PDGFRB: variants seen among roughly 807,000 people sequenced by gnomAD.
PDGFRB encodes platelet-derived growth factor receptor beta.
A neutral mutation model predicts 120.2 loss-of-function variants in PDGFRB; 42 were observed. The observed-to-expected ratio is 0.35, with a 90% CI of 0.27 to 0.45. The LOEUF (loss-of-function observed/expected upper bound fraction) is 0.45. Ranked by LOEUF, PDGFRB falls within the 20% of genes least tolerant of loss-of-function variation. PDGFRB has a pLI of 1.00. For missense variants in PDGFRB, 1,149 were observed against 1,476.3 expected, an observed-to-expected ratio of 0.78 and a Z score of 3.63; for synonymous variants, 586 against 606.8, an observed-to-expected ratio of 0.97 and a Z score of 0.50.
intron 14 of PDGFRB, 87 bp from the exon 15 acceptor site, chr5:150,123,288 G>A (rs1760200905): frequency 3.9e-6 from 4 of 1,019,288 alleles, no homozygotes; most frequent in Non-Finnish European, 6.0e-6. Flanking sequence ...GCTGGATGTG[G>A]GAGAGACACT....
intron 1 of PDGFRB, among the ~76,000 whole-genome samples, chr5:150,147,945 G>A (rs1287484372): frequency 1.3e-5 from 2 of 152,148 alleles, no homozygotes; most frequent in Non-Finnish European, 2.9e-5. Context: ...TCGGCCTTGC[G>A]CGCACAGCCA....
chr5:150,132,813 C>T lies in PDGFRB; in HGVS notation c.1064G>A (p.Arg355His), dbSNP rs746410632. ...GCCAGCGCTGGAGTCGCCCAGGGTG[C>T]GGTTGTCTTTGAACCACAGGACAGT... Reference protein sequence around the residue: ...PPTVLWFKDNRTLGDSSAGEI... With the variant: ...PPTVLWFKDNHTLGDSSAGEI... Residue 355 changes from arginine (R) to histidine (H), a missense_variant, in exon 7 of 23, where the codon CGC (arginine) becomes CAC (histidine). Arg to His is a conservative substitution (Grantham distance 29, BLOSUM62 0). Coordinates refer to ENST00000261799, the MANE Select transcript of PDGFRB (RefSeq NM_002609.4). This position sits in a 1 kb window ranked among gnomAD's most constrained non-coding sequence, Gnocchi z 5.0. The T allele has an allele frequency of 2.5e-6, 4 of 1,612,440 alleles. No homozygotes were observed. Among genetic ancestry groups the T allele is most frequent in the Admixed American group, 1.7e-5 (1 of 59,854 alleles).
intron 15 of PDGFRB, chr5:150,122,382 T>G: frequency 3.6e-6 from 1 of 276,554 alleles, no homozygotes; most frequent in South Asian, 5.8e-5. Flanking sequence ...CAACCCAGCA[T>G]AGGCAGCCAG....
chr5:150,152,417 G>A (rs1218437171), intron 1 of PDGFRB, among the ~76,000 whole-genome samples: 3 of 152,138 alleles, frequency 2.0e-5, no homozygotes, highest in African/African-American at 7.2e-5. Context: ...CCCTGACCCT[G>A]GGAAGGGGCC....
intron 1 of PDGFRB, among the ~76,000 whole-genome samples, chr5:150,138,419 G>A (rs1164950322): frequency 6.6e-6 from 1 of 152,192 alleles, no homozygotes; most frequent in Non-Finnish European, 1.5e-5. Flanking sequence ...GTGGATGATG[G>A]TGAGTACCTC....
chr5:150,125,290 C>G (rs1158207920), intron 12 of PDGFRB, among the ~76,000 whole-genome samples, 155 bp downstream of exon 12: 2 of 152,144 alleles, frequency 1.3e-5, no homozygotes, highest in Non-Finnish European at 2.9e-5. Flanking sequence ...TGGTCTTGCT[C>G]TCATTGTACA....
intron 2 of PDGFRB, among the ~76,000 whole-genome samples, chr5:150,136,660 G>T (rs1760642070): frequency 6.6e-6 from 1 of 152,126 alleles, no homozygotes; most frequent in African/African-American, 2.4e-5. Context: ...CAGGGACCTG[G>T]AAGCTCCCAG....
In PDGFRB at chr5:150,121,261, G is replaced by T; in HGVS notation, c.2406C>A (p.Asp802Glu). The T allele has an allele frequency of 6.2e-7, 1 of 1,609,396 alleles. No homozygotes were observed. Among genetic ancestry groups the T allele is most frequent in the Non-Finnish European group, 8.5e-7 (1 of 1,175,714 alleles). ...CCACCTGGTAGCTGAAGCCCACGAG[G>T]TCCATGTAGCTTAGCACTGGAGACT... ...INESPVLSYMDLVGFSYQVAN... is the reference protein window; with the variant it reads ...INESPVLSYMELVGFSYQVAN... Residue 802 changes from aspartate (D) to glutamate (E), a missense_variant, in exon 17 of 23, where the codon GAC becomes GAA. Asp to Glu is a conservative substitution (Grantham distance 45). Transcript: ENST00000261799. This position sits in a 1 kb window ranked among gnomAD's most constrained non-coding sequence, Gnocchi z 4.1.
chr5:150,133,961 G>T lies in PDGFRB; in HGVS notation c.679C>A (p.Gln227Lys), dbSNP rs1451340800. 3 of 1,612,358 alleles carry T rather than the reference G, an allele frequency of 1.9e-6. No individual in the cohort carries two copies. In the East Asian group the frequency reaches 6.7e-5, roughly 36 times the overall value. ...CACATGAGGGTGATGTTCTCACCCT[G>T]GCGGACCACAGTCTGCACTGCGTTC... The part of the protein sequence containing the change: ...SVNAVQTVVR[Q>K]GENITLMCIV... The change falls in exon 5 of 23, where the codon CAG becomes AAG. Residue 227 changes from glutamine (Q) to lysine (K), a missense_variant. Gln to Lys is a moderately conservative substitution (Grantham distance 53). Transcript: ENST00000261799.
rs550622536 is a variant in PDGFRB, at chr5:150,122,964, C to A, written c.2183+78G>T. ...TGCCCTGTCACAGCCTCAGCTTCCCCTCCTGGACAAAAGGAGGGGAAGGAG... is the reference window on the plus strand; with the variant it reads ...TGCCCTGTCACAGCCTCAGCTTCCCATCCTGGACAAAAGGAGGGGAAGGAG... On this transcript the variant is annotated intron_variant, in intron 15 of 22. Coordinates refer to ENST00000261799, the MANE Select transcript of PDGFRB (RefSeq NM_002609.4). The A allele has an allele frequency of 3.8e-4, 507 of 1,337,446 alleles. 1 individual carries two copies. The highest frequency in any genetic ancestry group is 5.0e-4 in the Non-Finnish European group (475 of 951,768). 82.8% of individuals were successfully genotyped at this position (1,337,446 alleles called of 1,614,324 possible).
In PDGFRB at chr5:150,121,730, G is replaced by C. The variant is rs1760142287; in HGVS notation, c.2344+150C>G. On this transcript the variant is annotated intron_variant, in intron 16 of 22. Coordinates refer to ENST00000261799, the MANE Select transcript of PDGFRB (RefSeq NM_002609.4). The surrounding 1 kb of genome is among the most constrained non-coding windows in gnomAD (Gnocchi z 4.1). ...GGCTTCCGTTTAGGGGTCCACTACAGATCAGTTTTGGCCAGGTGGCTAGCC... is the reference window on the plus strand; with the variant it reads ...GGCTTCCGTTTAGGGGTCCACTACACATCAGTTTTGGCCAGGTGGCTAGCC... 1 of 660,324 alleles carries C rather than the reference G, an allele frequency of 1.5e-6. No homozygotes were observed. The highest frequency in any genetic ancestry group is 2.4e-5 in the Admixed American group (1 of 41,116). 40.9% of individuals were successfully genotyped at this position (660,324 alleles called of 1,614,324 possible).
intron 1 of PDGFRB, among the ~76,000 whole-genome samples, chr5:150,149,100 C>T (rs913225235): frequency 3.9e-5 from 6 of 152,236 alleles, no homozygotes; most frequent in South Asian, 2.1e-4. Flanking sequence ...ATAGTGATGG[C>T]GGGTAGTAGC....
chr5:150,121,772 T>G lies in PDGFRB; in HGVS notation c.2344+108A>C. On this transcript the variant is annotated intron_variant, in intron 16 of 22. Coordinates refer to ENST00000261799, the MANE Select transcript of PDGFRB (RefSeq NM_002609.4). This position sits in a 1 kb window ranked among gnomAD's most constrained non-coding sequence, Gnocchi z 4.1. ...TGGCTAGCCTCAATTTCTACATCTA[T>G]GAAATGGGCACGAGGCTCCCTTCTT... 1.2e-6 allele frequency: 1 copy of G among 865,192 alleles called. No homozygotes were observed. Among genetic ancestry groups the G allele is most frequent in the South Asian group, 1.5e-5 (1 of 65,218 alleles). The allele number at this position is 865,192 out of a possible 1,614,324, so 53.6% of individuals were successfully genotyped here.
rs1759880365 is a variant in PDGFRB at position 150,114,960 on chromosome 5, G to C, written c.*803C>G. 1 of 233,208 alleles carries C rather than the reference G, an allele frequency of 4.3e-6. No individual in the cohort carries two copies. Among genetic ancestry groups the C allele is most frequent in the Admixed American group, 5.6e-5 (1 of 17,798 alleles). The allele number at this position is 233,208 out of a possible 1,614,324, so 14.4% of individuals were successfully genotyped here. ...ATTTACATTCTCATCACAGATGCGG[G>C]GCCCGTCTGGCCTTCTAGACTCTGG... On this transcript the variant is annotated 3_prime_UTR_variant, in exon 23 of 23. Transcript: ENST00000261799.
At chr5:150,150,587 A>G (rs954565102) in intron 1 of PDGFRB, among the ~76,000 whole-genome samples, 2 of 91,812 alleles carry the variant, frequency 2.2e-5, no homozygotes, top group Non-Finnish European at 2.4e-5. Flanking sequence ...GGGGTGGGCT[A>G]CCCCAGGAAG....
intron 8 of PDGFRB, 151 bp from the exon 9 acceptor site, chr5:150,130,813 A>AC (rs1760444930): frequency 1.4e-6 from 1 of 703,590 alleles, no homozygotes; most frequent in Non-Finnish European, 2.4e-6. Context: ...CAGTGTGAAA[A>AC]CCGATGGGTT....
intron 10 of PDGFRB, among the ~76,000 whole-genome samples, chr5:150,127,841 A>C (rs1401072714): frequency 1.4e-5 from 2 of 147,384 alleles, no homozygotes; most frequent in South Asian, 2.4e-4. Context: ...CTTAAAAAAA[A>C]AAAAAAAAAA....
At chr5:150,124,912 C>T in intron 12 of PDGFRB, 81 bp from the exon 13 acceptor site, 1 of 662,976 alleles carries the variant, frequency 1.5e-6, no homozygotes, top group East Asian at 2.7e-5. Flanking sequence ...CCCCCACTCC[C>T]CTACCCCCGG....
chr5:150,120,843 C>A lies in PDGFRB; in HGVS notation c.2586+45G>T. 1 of 1,597,746 alleles carries A rather than the reference C, an allele frequency of 6.3e-7. No individual in the cohort carries two copies. The highest frequency in any genetic ancestry group is 1.1e-5 in the South Asian group (1 of 90,570). On this transcript the variant is annotated intron_variant, in intron 18 of 22. Coordinates refer to ENST00000261799, the MANE Select transcript of PDGFRB (RefSeq NM_002609.4). The surrounding 1 kb of genome is among the most constrained non-coding windows in gnomAD (Gnocchi z 4.3). Reference sequence around the variant, plus strand: ...TCAGGAGGGAATCTGTTCCTGCGGTCACAGGCACTGTGACTGCCCTGCAGG... The same window carrying A: ...TCAGGAGGGAATCTGTTCCTGCGGTAACAGGCACTGTGACTGCCCTGCAGG...
Sources: gnomAD v4.1 joint callset for allele counts (sites outside exome capture counted in the v4.1 genomes callset) on GRCh38, gnomAD v4.1.1 for gene constraint, Gnocchi (gnomAD v3.1) non-coding constraint, MANE v1.5 for transcripts, NCBI Gene and HGNC (gene_info 2026-07-23, HGNC 2026-07-21) for gene names.